The following CBLB variants were observed in gnomAD, a reference collection of about 807,000 sequenced individuals.
CBLB encodes the protein Cbl proto-oncogene B, also known as E3 ubiquitin-protein ligase CBL-B.
In CBLB, 31 loss-of-function variants were observed where a neutral mutation model predicts 104.9. The observed-to-expected ratio is 0.30, with a 90% confidence interval of 0.22 to 0.40. CBLB has a LOEUF of 0.40. CBLB is among the 10% of genes least tolerant of loss of function. The pLI, the probability that CBLB is intolerant of heterozygous loss-of-function variation, is 1.00. For synonymous variants in CBLB, 440 were observed against 422.6 expected (o/e 1.04, Z -0.51); for missense variants, 1,062 against 1,214.6 (o/e 0.87, Z 1.87).
At chr3:105,838,718 C>T (rs375257568) in intron 3 of CBLB, among the ~76,000 whole-genome samples, 68 of 147,016 alleles carry the variant, frequency 4.6e-4, no homozygotes, top group African/African-American at 1.6e-3. Context: ...AGTGTGAACT[C>T]GGCTCACTGC....
At position 105,658,353 on chromosome 3, in the gene CBLB, T is replaced by C. The variant is rs2063480750; in HGVS notation, c.*617A>G. The C allele has an allele frequency of 8.9e-6, 2 of 223,490 alleles. No individual in the cohort carries two copies. The highest frequency in any genetic ancestry group is 1.8e-5 in the Non-Finnish European group (2 of 111,792). 13.8% of individuals were successfully genotyped at this position (223,490 alleles called of 1,614,324 possible). On this transcript the variant is annotated 3_prime_UTR_variant, in exon 19 of 19. Coordinates refer to ENST00000394030, the MANE Select transcript of CBLB (RefSeq NM_170662.5). ...GGTTTTTCCCATCTCTCAATAGTGA[T>C]GGTTTCCAAAGAAGAAACTCAGTAG... is the stretch of plus-strand genomic sequence containing the variant.
At chr3:105,712,191 T>C (rs2301036) in intron 10 of CBLB, among the ~76,000 whole-genome samples, 11,195 of 152,242 alleles carry the variant, frequency 0.074, 569 homozygotes, top group East Asian at 0.29. Context: ...CTTTAAAGTT[T>C]TGTATTTTAC....
intron 10 of CBLB, among the ~76,000 whole-genome samples, chr3:105,711,732 A>T (rs2071123784): frequency 1.3e-5 from 2 of 151,428 alleles, no homozygotes; most frequent in South Asian, 4.2e-4. Context: ...TAGGAGGAAC[A>T]TTTTTTTTTC....
At chr3:105,665,527 T>C (rs1047022698) in intron 18 of CBLB, among the ~76,000 whole-genome samples, 3 of 146,930 alleles carry the variant, frequency 2.0e-5, no homozygotes, top group African/African-American at 7.4e-5. Flanking sequence ...TATCTATTTC[T>C]ATATTACACA....
At chr3:105,667,442 G>T (rs1304620709) in intron 18 of CBLB, among the ~76,000 whole-genome samples, 1 of 152,148 alleles carries the variant, frequency 6.6e-6, no homozygotes, top group Non-Finnish European at 1.5e-5. Flanking sequence ...TCCATGTAAA[G>T]AAACAAGCAG....
At chr3:105,739,754 G>C (rs2075330977) in intron 7 of CBLB, among the ~76,000 whole-genome samples, 1 of 152,070 alleles carries the variant, frequency 6.6e-6, no homozygotes, top group South Asian at 2.1e-4. Context: ...AAAAGGGGTG[G>C]AGGGAGAAAC....
chr3:105,737,056 G>C (rs141456738), intron 8 of CBLB, 115 bp downstream of exon 8: 37 of 472,044 alleles, frequency 7.8e-5, no homozygotes, highest in African/African-American at 5.5e-4. Context: ...AATTCCTTAA[G>C]TATATTTTGT....
At chr3:105,846,997 T>C (rs913808517) in intron 3 of CBLB, among the ~76,000 whole-genome samples, 2 of 152,062 alleles carry the variant, frequency 1.3e-5, no homozygotes, top group Non-Finnish European at 2.9e-5. Context: ...CTCAAAGCAA[T>C]GATGTCATAC....
intron 3 of CBLB, among the ~76,000 whole-genome samples, chr3:105,784,230 T>A (rs909088010): frequency 6.6e-6 from 1 of 152,142 alleles, no homozygotes; most frequent in Non-Finnish European, 1.5e-5. Context: ...TGTAGACCAC[T>A]CCATTGAGAC....
At chr3:105,763,976 G>A (rs1029644057) in intron 4 of CBLB, among the ~76,000 whole-genome samples, 1 of 152,214 alleles carries the variant, frequency 6.6e-6, no homozygotes, top group Non-Finnish European at 1.5e-5. Flanking sequence ...TGCATACACT[G>A]TGGGTTTGAT....
intron 2 of CBLB, among the ~76,000 whole-genome samples, chr3:105,863,262 T>A (rs2092236093): frequency 6.6e-6 from 1 of 152,210 alleles, no homozygotes; most frequent in African/African-American, 2.4e-5. Flanking sequence ...TACCAAACTT[T>A]GGGATCACTT....
chr3:105,804,224 T>C (rs1238140901), intron 3 of CBLB, among the ~76,000 whole-genome samples: 1 of 152,052 alleles, frequency 6.6e-6, no homozygotes, highest in Non-Finnish European at 1.5e-5. Context: ...TTTCAAATAG[T>C]TTAAAAAAAT....
At chr3:105,838,249 A>ATTT (rs55769611) in intron 3 of CBLB, among the ~76,000 whole-genome samples, 11 of 55,992 alleles carry the variant, frequency 2.0e-4, no homozygotes, top group South Asian at 1.1e-3. Context: ...ACACCTGGCT[A>ATTT]TTTTTTTTTT....
rs1051707737 is a variant in CBLB at position 105,745,860 on chromosome 3, A to G, written c.845+57T>C. ...TTGCTGACTTACTTAGGAACAAACC[A>G]TGGAGAATTTTTCATCTTTGGATAT... On this transcript the variant is annotated intron_variant, in intron 6 of 18. Coordinates refer to ENST00000394030, the MANE Select transcript of CBLB (RefSeq NM_170662.5). 3.9e-6 allele frequency: 6 copies of G among 1,535,270 alleles called. No individual in the cohort carries two copies. The Admixed American group carries it at 1.0e-4, about 26-fold the overall frequency.
chr3:105,782,586 T>C (rs9861492), intron 3 of CBLB, among the ~76,000 whole-genome samples: 103,234 of 129,856 alleles, frequency 0.79, 38,797 homozygotes, highest in Middle Eastern at 0.86. Flanking sequence ...TTCTTTTTTT[T>C]TTTTTTTTTT....
intron 3 of CBLB, among the ~76,000 whole-genome samples, chr3:105,820,504 C>G (rs2153056373): frequency 6.6e-6 from 1 of 152,296 alleles, no homozygotes; most frequent in South Asian, 2.1e-4. Flanking sequence ...ATGAACAGTA[C>G]AGCCAAGATA....
chr3:105,686,861 G>T (rs551046018), intron 13 of CBLB, among the ~76,000 whole-genome samples: 3 of 152,198 alleles, frequency 2.0e-5, no homozygotes, highest in Admixed American at 6.5e-5. Context: ...GTGACAAAAG[G>T]TCCAGTGTCA....
chr3:105,855,986 A>G (rs2091553245), intron 2 of CBLB, among the ~76,000 whole-genome samples: 4 of 152,214 alleles, frequency 2.6e-5, no homozygotes, highest in African/African-American at 9.6e-5. Context: ...AACTTCAAGC[A>G]TAACGAACAC....
At chr3:105,705,934 G>C (rs188282210) in intron 10 of CBLB, among the ~76,000 whole-genome samples, 97 of 152,230 alleles carry the variant, frequency 6.4e-4, no homozygotes, top group African/African-American at 2.2e-3. Flanking sequence ...CCAGGAGTTT[G>C]AGACTAGCCT....
Sources: gnomAD v4.1 joint callset for allele counts (sites outside exome capture counted in the v4.1 genomes callset) on GRCh38, gnomAD v4.1.1 for gene constraint, MANE v1.5 for transcripts, NCBI Gene and HGNC (gene_info 2026-07-23, HGNC 2026-07-21) for gene names.